BRINP1: variants seen among roughly 807,000 people sequenced by gnomAD.
BRINP1 encodes the protein BMP/retinoic acid inducible neural specific 1, also known as BMP/retinoic acid-inducible neural-specific protein 1.
A neutral mutation model predicts 72.9 loss-of-function variants in BRINP1; 17 were observed. That is an observed-to-expected ratio of 0.23 (90% CI 0.16 to 0.35). The LOEUF (loss-of-function observed/expected upper bound fraction) is 0.35, where lower values mean the gene tolerates loss of function less well. BRINP1 is among the 10% of genes least tolerant of loss of function. BRINP1 has a pLI of 1.00. For synonymous variants in BRINP1, 418 were observed against 378.5 expected (o/e 1.10, Z -1.21); for missense variants, 850 against 1,001.6 (o/e 0.85, Z 2.04).
At chr9:119,245,130 G>A (rs1397521058) in intron 3 of BRINP1, among the ~76,000 whole-genome samples, 2 of 152,050 alleles carry the variant, frequency 1.3e-5, no homozygotes, top group Non-Finnish European at 2.9e-5. Context: ...CAAAAAAGAT[G>A]AGCCCTCATG....
At chr9:119,216,294 AT>A (rs1456728005) in intron 5 of BRINP1, among the ~76,000 whole-genome samples, 1 of 152,186 alleles carries the variant, frequency 6.6e-6, no homozygotes, top group Admixed American at 6.5e-5. Context: ...AGAAAGGTGT[AT>A]ATGTCAATAT....
chr9:119,354,377 T>G (rs969703497), intron 1 of BRINP1, among the ~76,000 whole-genome samples: 3 of 152,194 alleles, frequency 2.0e-5, no homozygotes, highest in African/African-American at 7.2e-5. Context: ...AAAAATGTAA[T>G]GAAGCAAGTG....
chr9:119,300,553 C>G (rs903419119), intron 2 of BRINP1, among the ~76,000 whole-genome samples: 4 of 152,114 alleles, frequency 2.6e-5, no homozygotes, highest in African/African-American at 7.2e-5. Flanking sequence ...AATAATAACC[C>G]CACTGTGTCC....
At chr9:119,364,710 T>C (rs761747710) in intron 1 of BRINP1, among the ~76,000 whole-genome samples, 1 of 152,222 alleles carries the variant, frequency 6.6e-6, no homozygotes, top group East Asian at 1.9e-4. Flanking sequence ...GGCTTCACTT[T>C]CCTCTTCTGT....
intron 7 of BRINP1, among the ~76,000 whole-genome samples, chr9:119,203,729 A>G (rs1429135523): frequency 6.6e-6 from 1 of 151,956 alleles, no homozygotes; most frequent in East Asian, 1.9e-4. Flanking sequence ...CAAATAGACA[A>G]CTCTATTGCT....
chr9:119,351,449 G>GA (rs901562664), intron 1 of BRINP1, among the ~76,000 whole-genome samples: 219 of 144,002 alleles, frequency 1.5e-3, no homozygotes, highest in Non-Finnish European at 2.2e-3. Context: ...TGCCAGGTTT[G>GA]AAAAAAAAAA....
intron 7 of BRINP1, among the ~76,000 whole-genome samples, chr9:119,185,678 G>T (rs1829609304): frequency 6.6e-6 from 1 of 152,164 alleles, no homozygotes; most frequent in South Asian, 2.1e-4. Context: ...AAAACATCTT[G>T]TCTCTGCTAC....
At chr9:119,352,336 G>T (rs1264042689) in intron 1 of BRINP1, among the ~76,000 whole-genome samples, 3 of 151,710 alleles carry the variant, frequency 2.0e-5, no homozygotes, top group African/African-American at 7.3e-5. Context: ...TATTTTTTTT[G>T]AATTGGGAAA....
chr9:119,343,047 G>T (rs185162900), intron 1 of BRINP1, among the ~76,000 whole-genome samples: 10 of 152,184 alleles, frequency 6.6e-5, no homozygotes, highest in Non-Finnish European at 1.5e-4. Context: ...ATGTAAAGCC[G>T]TTAGCAGAGT....
At chr9:119,278,311 G>C (rs189177323) in intron 2 of BRINP1, among the ~76,000 whole-genome samples, 2 of 147,548 alleles carry the variant, frequency 1.4e-5, no homozygotes, top group African/African-American at 2.7e-5. Context: ...CACTGGCTGC[G>C]TTTGGAGCCT....
chr9:119,174,795 T>C (rs1364762218), intron 7 of BRINP1, among the ~76,000 whole-genome samples: 1 of 150,118 alleles, frequency 6.7e-6, no homozygotes. Context: ...CCATAAAAAA[T>C]GATGAGTTCA....
intron 2 of BRINP1, among the ~76,000 whole-genome samples, chr9:119,257,631 A>C (rs75520035): frequency 0.039 from 5,878 of 152,160 alleles, 386 homozygotes; most frequent in African/African-American, 0.13. Flanking sequence ...ATAGAGGAAA[A>C]CTCTGGGACA....
At chr9:119,266,283 A>G (rs567117591) in intron 2 of BRINP1, among the ~76,000 whole-genome samples, 1 of 152,278 alleles carries the variant, frequency 6.6e-6, no homozygotes, top group African/African-American at 2.4e-5. Flanking sequence ...TTTGAAAACT[A>G]CTAAGAAGGC....
intron 1 of BRINP1, among the ~76,000 whole-genome samples, chr9:119,325,186 T>C (rs1312124122): frequency 6.6e-6 from 1 of 151,918 alleles, no homozygotes; most frequent in Admixed American, 6.6e-5. Context: ...CTGGAATGAG[T>C]GTTCATTATA....
At chr9:119,234,481 T>A (rs960331712) in intron 5 of BRINP1, among the ~76,000 whole-genome samples, 66 of 152,220 alleles carry the variant, frequency 4.3e-4, no homozygotes, top group Non-Finnish European at 1.9e-4. Context: ...TTTTTCTTTT[T>A]GACTTCAGAA....
intron 2 of BRINP1, among the ~76,000 whole-genome samples, chr9:119,294,966 A>C (rs1830859754): frequency 8.6e-6 from 1 of 116,634 alleles, no homozygotes; most frequent in South Asian, 2.4e-4. Context: ...ATCCAATGCA[A>C]TCTCTATCAA....
chr9:119,279,736 C>G (rs1196032846), intron 2 of BRINP1, among the ~76,000 whole-genome samples: 2 of 152,150 alleles, frequency 1.3e-5, no homozygotes, highest in Non-Finnish European at 2.9e-5. Flanking sequence ...AAGATGCCTA[C>G]AAAACATGCT....
chr9:119,234,269 G>T (rs555323578), intron 5 of BRINP1, among the ~76,000 whole-genome samples: 4 of 152,224 alleles, frequency 2.6e-5, no homozygotes, highest in African/African-American at 7.2e-5. Flanking sequence ...GCTTCACATT[G>T]TCCCTCCTTG....
intron 7 of BRINP1, among the ~76,000 whole-genome samples, chr9:119,177,879 G>A (rs1361373958): frequency 6.6e-6 from 1 of 152,108 alleles, no homozygotes. Flanking sequence ...ATGAGGTTGT[G>A]GGCTGTATCA....
Sources: gnomAD v4.1 joint callset for allele counts (sites outside exome capture counted in the v4.1 genomes callset) on GRCh38, gnomAD v4.1.1 for gene constraint, MANE v1.5 for transcripts, NCBI Gene and HGNC (gene_info 2026-07-23, HGNC 2026-07-21) for gene names.